The following ZNF267 variants were observed in gnomAD, a reference collection of about 807,000 sequenced individuals.
ZNF267 encodes zinc finger (C2H2).
Under a neutral mutation model 71.6 loss-of-function variants are expected in ZNF267, and 61 were observed. The observed-to-expected ratio is 0.85, with a 90% CI of 0.69 to 1.05. ZNF267 has a LOEUF of 1.05. ZNF267 is among the 50% of genes least tolerant of loss of function. ZNF267 has a pLI of 0.00. For synonymous variants in ZNF267, 288 were observed against 293.2 expected (o/e 0.98, Z 0.18); for missense variants, 852 against 870.0 (o/e 0.98, Z 0.26).
intron 3 of ZNF267, among the ~76,000 whole-genome samples, chr16:31,906,806 C>T (rs2084094559): frequency 1.3e-5 from 2 of 152,092 alleles, no homozygotes; most frequent in Admixed American, 1.3e-4. Context: ...GTCTGGCACT[C>T]CCCAGTGAGA....
At chr16:31,897,208 G>A (rs912040188) in intron 3 of ZNF267, among the ~76,000 whole-genome samples, 1 of 149,170 alleles carries the variant, frequency 6.7e-6, no homozygotes, top group African/African-American at 2.4e-5. Context: ...ATTCATTAAA[G>A]TTGCAGGATA....
chr16:31,916,619 C>T lies in ZNF267; in HGVS notation c.*138C>T. The stretch of plus-strand genomic sequence containing the variant: ...ACTATTTTCAAGCCTTACACAATAG[C>T]AGAGAATATAAACTGAAAAAATCCA... On this transcript the variant is annotated 3_prime_UTR_variant, in exon 4 of 4. Coordinates refer to ENST00000300870, the MANE Select transcript of ZNF267 (RefSeq NM_003414.6). 1.1e-6 allele frequency: 1 copy of T among 870,598 alleles called. No homozygotes were observed. Among genetic ancestry groups the T allele is most frequent in the Non-Finnish European group, 1.7e-6 (1 of 585,022 alleles). The allele number at this position is 870,598 out of a possible 1,614,324, so 53.9% of individuals were successfully genotyped here.
intron 2 of ZNF267, among the ~76,000 whole-genome samples, 156 bp downstream of exon 2, chr16:31,884,780 T>C (rs1015626328): frequency 2.6e-5 from 4 of 152,216 alleles, no homozygotes; most frequent in Admixed American, 2.0e-4. Context: ...AATTTCATAA[T>C]GTTTGATTTT....
intron 1 of ZNF267, among the ~76,000 whole-genome samples, chr16:31,882,992 G>T (rs1250036361): frequency 1.3e-5 from 2 of 152,054 alleles, no homozygotes; most frequent in Non-Finnish European, 2.9e-5. Context: ...CAGAGTAAAG[G>T]CTCTCACATT....
At chr16:31,910,183 ATATT>A (rs1159930747) in intron 3 of ZNF267, among the ~76,000 whole-genome samples, 1 of 148,200 alleles carries the variant, frequency 6.7e-6, no homozygotes, top group Non-Finnish European at 1.5e-5. Flanking sequence ...TTTTACATAA[ATATT>A]TATTATAGAT....
chr16:31,881,531 T>A (rs1043419459), intron 1 of ZNF267, among the ~76,000 whole-genome samples: 3 of 152,196 alleles, frequency 2.0e-5, no homozygotes, highest in South Asian at 2.1e-4. Flanking sequence ...AATTTTTTTC[T>A]TATTGAAACC....
chr16:31,898,276 A>G (rs2142347575), intron 3 of ZNF267, among the ~76,000 whole-genome samples: 1 of 152,188 alleles, frequency 6.6e-6, no homozygotes, highest in Middle Eastern at 3.4e-3. Context: ...TTTGTCTGAT[A>G]GTATTTTACT....
In ZNF267 at chr16:31,916,198, A is replaced by T; in HGVS notation, c.1949A>T (p.His650Leu). The change falls in exon 4 of 4, where the codon CAT (histidine) becomes CTT (leucine). Residue 650 changes from histidine (H) to leucine (L), a missense_variant. By Grantham distance (99) the His-to-Leu change is moderately conservative. Transcript: ENST00000300870. ...AFNYRSYLTT[H>L]QRSHTGERPY... ...AACTATAGGTCATACCTCACTACAC[A>T]TCAGAGAAGTCATACTGGAGAGAGA... The T allele has an allele frequency of 6.2e-7, 1 of 1,614,188 alleles. No homozygotes were observed. The highest frequency in any genetic ancestry group is 1.7e-5 in the Admixed American group (1 of 60,030).
rs2084171102 is a variant in ZNF267, at chr16:31,915,778, A to G, written c.1529A>G (p.His510Arg). Reference sequence around the variant, plus strand: ...AGCCGTAGTTCTTGCCTTACTCAACATCGGAAAATTCATACTGGAGAAAAT... The same window carrying G: ...AGCCGTAGTTCTTGCCTTACTCAACGTCGGAAAATTCATACTGGAGAAAAT... ...VFSRSSCLTQHRKIHTGENLY... is the reference protein window; with the variant it reads ...VFSRSSCLTQRRKIHTGENLY... Residue 510 changes from histidine to arginine, a missense_variant, in exon 4 of 4, where the codon CAT (histidine) becomes CGT (arginine). Transcript: ENST00000300870. The G allele has an allele frequency of 1.2e-6, 2 of 1,613,362 alleles. No homozygotes were observed. The highest frequency in any genetic ancestry group is 8.5e-7 in the Non-Finnish European group (1 of 1,179,990).
chr16:31,884,408 G>C, intron 1 of ZNF267, 90 bp from the exon 2 acceptor site: 1 of 1,560,570 alleles, frequency 6.4e-7, no homozygotes, highest in Non-Finnish European at 8.8e-7. Flanking sequence ...ACTCATATAT[G>C]TCAGAACCAA....
chr16:31,892,333 C>T (rs2083965783), intron 3 of ZNF267, among the ~76,000 whole-genome samples: 1 of 152,154 alleles, frequency 6.6e-6, no homozygotes, highest in South Asian at 2.1e-4. Flanking sequence ...CCCCATGATT[C>T]AGTTACCTCC....
intron 3 of ZNF267, among the ~76,000 whole-genome samples, chr16:31,908,576 G>A (rs1438006358): frequency 6.6e-6 from 1 of 152,054 alleles, no homozygotes; most frequent in East Asian, 1.9e-4. Flanking sequence ...TTTTGTGTAT[G>A]GTGAGAGATA....
intron 3 of ZNF267, 68 bp downstream of exon 3, chr16:31,885,324 T>C (rs1202219489): frequency 1.5e-6 from 2 of 1,379,274 alleles, no homozygotes; most frequent in African/African-American, 2.9e-5. Flanking sequence ...AACCAGACCT[T>C]GAAGTGTGGA....
intron 1 of ZNF267, among the ~76,000 whole-genome samples, chr16:31,878,954 T>TA (rs569556047): frequency 6.6e-4 from 100 of 152,046 alleles, no homozygotes; most frequent in South Asian, 2.3e-3. Flanking sequence ...TTTTTTTTTT[T>TA]CTTAAAGCAT....
intron 1 of ZNF267, among the ~76,000 whole-genome samples, chr16:31,878,421 C>G (rs910756633): frequency 6.6e-6 from 1 of 152,112 alleles, no homozygotes; most frequent in Non-Finnish European, 1.5e-5. Context: ...GACATGTCCC[C>G]GTCCATCCCA....
At position 31,915,103 on chromosome 16, in the gene ZNF267, A is replaced by C. The variant is rs1366536900; in HGVS notation, c.854A>C (p.His285Pro). Residue 285 changes from histidine to proline, a missense_variant, in exon 4 of 4, where the codon CAT becomes CCT. His to Pro is a moderately conservative substitution (Grantham distance 77). Transcript: ENST00000300870. ...ACCCAGTCATTAAAACATATTCAACATCAGACCATCCATATCAGAGAAAAC... is the reference window on the plus strand; with the variant it reads ...ACCCAGTCATTAAAACATATTCAACCTCAGACCATCCATATCAGAGAAAAC... ...VCTQSLKHIQ[H>P]QTIHIRENSY... is the part of the protein sequence containing the mutation. 5 of 1,613,730 alleles carry C rather than the reference A, an allele frequency of 3.1e-6. No homozygotes were observed. The highest frequency in any genetic ancestry group is 3.3e-4 in the Middle Eastern group (2 of 6,056).
chr16:31,893,630 G>A (rs1021682295), intron 3 of ZNF267, among the ~76,000 whole-genome samples: 1 of 152,178 alleles, frequency 6.6e-6, no homozygotes, highest in African/African-American at 2.4e-5. Context: ...ACTAATGTTA[G>A]CAGTCATGCC....
intron 3 of ZNF267, among the ~76,000 whole-genome samples, chr16:31,905,286 G>A (rs1394702149): frequency 2.0e-5 from 3 of 152,130 alleles, no homozygotes; most frequent in African/African-American, 4.8e-5. Flanking sequence ...TTCTTGAGGA[G>A]TATCTTTGTG....
At chr16:31,875,990 CAG>C (rs1451303244) in intron 1 of ZNF267, among the ~76,000 whole-genome samples, 1 of 151,984 alleles carries the variant, frequency 6.6e-6, no homozygotes, top group African/African-American at 2.4e-5. Flanking sequence ...TAATTTAAAA[CAG>C]AATCTCAGGG....
Sources: allele counts gnomAD v4.1 joint callset (sites outside exome capture counted in the v4.1 genomes callset), GRCh38; gene constraint gnomAD v4.1.1; transcripts MANE v1.5; gene names NCBI Gene and HGNC (gene_info 2026-07-23, HGNC 2026-07-21).